ADGRL4: variants seen among roughly 807,000 people sequenced by gnomAD.
The protein encoded by ADGRL4 is adhesion G protein-coupled receptor L4, also known as EGF, latrophilin and seven transmembrane domain containing 1.
Under a neutral mutation model 74.8 loss-of-function variants are expected in ADGRL4, and 90 were observed. The ratio of observed to expected loss-of-function variants is 1.20; its 90% confidence interval spans 1.02 to 1.43. The LOEUF (loss-of-function observed/expected upper bound fraction) is 1.43. Among genes scored for constraint, ADGRL4 ranks in the 40% most tolerant of loss-of-function variants. The pLI, the probability that ADGRL4 is intolerant of heterozygous loss-of-function variation, is 0.00. For missense variants in ADGRL4, 881 were observed against 814.3 expected, an observed-to-expected ratio of 1.08 and a Z score of -1.00; for synonymous variants, 311 against 279.2, an observed-to-expected ratio of 1.11 and a Z score of -1.14.
intron 2 of ADGRL4, among the ~76,000 whole-genome samples, chr1:78,997,356 G>A (rs556922973): frequency 5.3e-5 from 8 of 152,124 alleles, no homozygotes; most frequent in Non-Finnish European, 1.0e-4. Context: ...CCCAGGAATG[G>A]GAAACTTTAA....
intron 2 of ADGRL4, among the ~76,000 whole-genome samples, chr1:78,999,478 C>T (rs1210311904): frequency 1.3e-5 from 2 of 152,034 alleles, no homozygotes; most frequent in South Asian, 2.1e-4. Context: ...GAGGCTGAGG[C>T]GGGAGAATGG....
At chr1:78,984,604 A>C (rs1416299131) in intron 2 of ADGRL4, among the ~76,000 whole-genome samples, 1 of 151,750 alleles carries the variant, frequency 6.6e-6, no homozygotes, top group African/African-American at 2.4e-5. Context: ...TGTCGAAACA[A>C]GTTTCCCAAG....
intron 2 of ADGRL4, among the ~76,000 whole-genome samples, chr1:78,993,101 T>G (rs6424622): frequency 0.47 from 71,080 of 151,762 alleles, 16,624 homozygotes; most frequent in East Asian, 0.57. Flanking sequence ...TTAAAATACG[T>G]TTTTTTAATT....
intron 12 of ADGRL4, among the ~76,000 whole-genome samples, chr1:78,894,610 G>T (rs768315773): frequency 7.9e-5 from 12 of 151,644 alleles, no homozygotes; most frequent in Non-Finnish European, 1.8e-4. Flanking sequence ...AATAGCTATA[G>T]CTTCTTTGTA....
rs1420294536 is a variant in ADGRL4 at position 78,904,611 on chromosome 1, C to A, written c.1750-11422G>T. ...GTCTTTAGTCAAAAAGTTTGAAAAC[C>A]ACTTTCTTATATAATATGACAGTTT... On this transcript the variant is annotated intron_variant, in intron 12 of 14. Transcript: ENST00000370742. Among the ~76,000 whole-genome samples, 5 of 151,964 alleles carry A rather than the reference C, an allele frequency of 3.3e-5. No homozygotes were observed. In the South Asian group the frequency reaches 8.3e-4, roughly 25 times the overall value.
In ADGRL4 at chr1:78,920,257, G is replaced by T; in HGVS notation, c.1387C>A (p.His463Asn). The T allele has an allele frequency of 6.2e-7, 1 of 1,612,042 alleles. No homozygotes were observed. The highest frequency in any genetic ancestry group is 1.7e-5 in the Admixed American group (1 of 59,812). The stretch of plus-strand genomic sequence containing the variant: ...AATAGGCTACAGCAAAGATTTTTGT[G>T]AATTGTTGTCCTGGTGCTTTGAATT... ...SEIQSTRTTI[H>N]KNLCCSLFLA... Residue 463 changes from histidine to asparagine, a missense_variant, in exon 10 of 15, where the codon CAC becomes AAC. Physicochemically the swap from His to Asn is moderately conservative, Grantham distance 68 (BLOSUM62 1). Transcript: ENST00000370742.
intron 2 of ADGRL4, among the ~76,000 whole-genome samples, chr1:78,952,328 C>CTTTTT (rs10647389): frequency 0.11 from 12,734 of 119,420 alleles, 1,061 homozygotes; most frequent in East Asian, 0.23. Context: ...ACATAGAAAG[C>CTTTTT]TTTTTTTTTT....
At chr1:78,898,058 T>G (rs1648434253) in intron 12 of ADGRL4, among the ~76,000 whole-genome samples, 6 of 152,022 alleles carry the variant, frequency 3.9e-5, no homozygotes, top group Admixed American at 3.9e-4. Context: ...TTTGGGGAAT[T>G]TTATGAAATA....
intron 1 of ADGRL4, 94 bp from the exon 2 acceptor site, chr1:79,005,313 T>C (rs1650936470): frequency 1.0e-6 from 1 of 997,178 alleles, no homozygotes; most frequent in Admixed American, 3.6e-5. Flanking sequence ...AATTATCCTC[T>C]CTTTCTATTT....
intron 6 of ADGRL4, among the ~76,000 whole-genome samples, chr1:78,937,210 C>T (rs149772461): frequency 0.013 from 1,950 of 152,142 alleles, 43 homozygotes; most frequent in African/African-American, 0.045. Flanking sequence ...TTTAGGAGAC[C>T]GAGGCAAGTG....
intron 2 of ADGRL4, among the ~76,000 whole-genome samples, chr1:78,991,169 C>G (rs1353503568): frequency 1.3e-5 from 2 of 152,062 alleles, no homozygotes; most frequent in African/African-American, 4.8e-5. Flanking sequence ...ACGATGTGTT[C>G]TTGTCCTTCA....
chr1:78,900,608 G>A (rs1431599261), intron 12 of ADGRL4, among the ~76,000 whole-genome samples: 8 of 152,146 alleles, frequency 5.3e-5, no homozygotes, highest in Non-Finnish European at 1.2e-4. Flanking sequence ...CCCCTTTGCT[G>A]TTCTTGTGAC....
At chr1:78,998,317 A>G (rs1650761710) in intron 2 of ADGRL4, among the ~76,000 whole-genome samples, 2 of 140,488 alleles carry the variant, frequency 1.4e-5, no homozygotes, top group African/African-American at 2.7e-5. Flanking sequence ...AAACTCTTGT[A>G]CTTGACCTAC....
intron 2 of ADGRL4, among the ~76,000 whole-genome samples, chr1:79,001,616 C>T (rs1650846345): frequency 6.6e-6 from 1 of 152,098 alleles, no homozygotes; most frequent in South Asian, 2.1e-4. Flanking sequence ...GTATAACACA[C>T]TATCTCAGTG....
intron 2 of ADGRL4, among the ~76,000 whole-genome samples, chr1:78,965,191 A>C (rs1346826901): frequency 1.3e-5 from 2 of 152,170 alleles, no homozygotes; most frequent in African/African-American, 2.4e-5. Context: ...TACAAGCTAA[A>C]GTCATTTAAC....
chr1:78,915,110 C>T lies in ADGRL4; in HGVS notation c.1749+2524G>A, dbSNP rs72947623. ...CTGCAACTTCTTTCCATTTCTCCGA[C>T]TTATCTTTGCGTATAGAATAGCTCA... On this transcript the variant is annotated intron_variant, in intron 12 of 14. Coordinates refer to ENST00000370742, the MANE Select transcript of ADGRL4 (RefSeq NM_022159.4). 1.3e-3 allele frequency among the ~76,000 whole-genome samples: 196 copies of T among 152,008 alleles called. 1 individual carries two copies. The highest frequency in any genetic ancestry group is 4.6e-3 in the African/African-American group (192 of 41,522).
chr1:78,947,036 G>A (rs1267610467), intron 2 of ADGRL4, among the ~76,000 whole-genome samples: 1 of 152,166 alleles, frequency 6.6e-6, no homozygotes, highest in African/African-American at 2.4e-5. Flanking sequence ...TATCAGGGAA[G>A]ATAAAGGTTC....
chr1:78,913,658 A>G (rs1648809161), intron 12 of ADGRL4, among the ~76,000 whole-genome samples: 1 of 151,856 alleles, frequency 6.6e-6, no homozygotes, highest in South Asian at 2.1e-4. Context: ...AGATCAGGTA[A>G]AATCACTAAT....
intron 2 of ADGRL4, among the ~76,000 whole-genome samples, chr1:78,981,764 A>G (rs529325140): frequency 6.6e-6 from 1 of 152,002 alleles, no homozygotes; most frequent in Non-Finnish European, 1.5e-5. Flanking sequence ...ATTAAAATAT[A>G]TCTGTCTTGT....
Sources: gnomAD v4.1 joint callset for allele counts (sites outside exome capture counted in the v4.1 genomes callset) on GRCh38, gnomAD v4.1.1 for gene constraint, MANE v1.5 for transcripts, NCBI Gene and HGNC (gene_info 2026-07-23, HGNC 2026-07-21) for gene names.